Variants in SEMA3A observed in about 807,000 individuals in gnomAD.
The protein encoded by SEMA3A is semaphorin 3A.
Under a neutral mutation model 97.9 loss-of-function variants are expected in SEMA3A, and 29 were observed. The ratio of observed to expected loss-of-function variants is 0.30; its 90% CI spans 0.22 to 0.40. The LOEUF (loss-of-function observed/expected upper bound fraction) is 0.40, where lower values mean the gene tolerates loss of function less well. Ranked by LOEUF, SEMA3A falls within the 10% of genes least tolerant of loss-of-function variation. The pLI, the probability that SEMA3A is intolerant of heterozygous loss-of-function variation, is 1.00. For synonymous variants in SEMA3A, 321 were observed against 323.7 expected (o/e 0.99, Z 0.09); for missense variants, 763 against 951.3 (o/e 0.80, Z 2.60).
intron 3 of SEMA3A, among the ~76,000 whole-genome samples, chr7:84,274,341 C>G (rs1036207239): frequency 5.3e-5 from 8 of 151,860 alleles, no homozygotes; most frequent in Non-Finnish European, 8.8e-5. Context: ...CAGGAAAGGC[C>G]CCTGAAATTC....
intron 3 of SEMA3A, among the ~76,000 whole-genome samples, chr7:84,266,659 G>A (rs567442056): frequency 6.6e-5 from 10 of 152,296 alleles, no homozygotes; most frequent in African/African-American, 2.4e-4. Context: ...GTGCCAACTG[G>A]CACATAAATG....
intron 15 of SEMA3A, among the ~76,000 whole-genome samples, chr7:83,968,484 T>C (rs2116276329): frequency 6.6e-6 from 1 of 152,294 alleles, no homozygotes; most frequent in African/African-American, 2.4e-5. Flanking sequence ...ATTGAGATTC[T>C]CGTGAACAAC....
At chr7:84,089,586 T>C (rs1794499431) in intron 4 of SEMA3A, among the ~76,000 whole-genome samples, 1 of 152,110 alleles carries the variant, frequency 6.6e-6, no homozygotes, top group East Asian at 1.9e-4. Context: ...TATGCTATAA[T>C]TGCAAATTGT....
chr7:84,273,556 C>G (rs893817446), intron 3 of SEMA3A, among the ~76,000 whole-genome samples: 1 of 152,060 alleles, frequency 6.6e-6, no homozygotes, highest in Non-Finnish European at 1.5e-5. Flanking sequence ...TTCCCCAAAG[C>G]ATATTAGAAA....
At chr7:84,094,403 A>G (rs1367172841) in intron 4 of SEMA3A, among the ~76,000 whole-genome samples, 2 of 151,360 alleles carry the variant, frequency 1.3e-5, no homozygotes, top group Non-Finnish European at 2.9e-5. Context: ...AAGTACGTAT[A>G]TTTTCAATAG....
intron 1 of SEMA3A, among the ~76,000 whole-genome samples, chr7:84,136,263 C>A (rs186408214): frequency 4.6e-4 from 70 of 152,300 alleles, no homozygotes; most frequent in African/African-American, 1.6e-3. Context: ...CAGCTATTAA[C>A]ATCAGGAAAC....
At chr7:84,334,610 CCT>C in intron 2 of SEMA3A, among the ~76,000 whole-genome samples, 1 of 151,982 alleles carries the variant, frequency 6.6e-6, no homozygotes, top group African/African-American at 2.4e-5. Flanking sequence ...CTTCTCACCA[CCT>C]CTGTCTTACT....
chr7:84,480,439 C>T (rs867029000), intron 1 of SEMA3A, among the ~76,000 whole-genome samples: 5 of 152,258 alleles, frequency 3.3e-5, no homozygotes, highest in African/African-American at 1.2e-4. Context: ...CTTCCATTAG[C>T]TAATTTCAAA....
intron 1 of SEMA3A, among the ~76,000 whole-genome samples, chr7:84,422,804 T>C (rs1242350988): frequency 6.6e-6 from 1 of 152,092 alleles, no homozygotes; most frequent in Admixed American, 6.6e-5. Flanking sequence ...GGTTGTTCAG[T>C]TTCCATGAAT....
chr7:84,385,693 T>A lies in SEMA3A; in HGVS notation c.-245-13793A>T, dbSNP rs560280061. On this transcript the variant is annotated intron_variant, in intron 1 of 3. Transcript: ENST00000424555. ...ATCTGATCTTTGCTCTGAGTTGTTA[T>A]ACCAAATTATTGAGTACCATGTCCG... 5.3e-5 allele frequency among the ~76,000 whole-genome samples: 8 copies of A among 152,376 alleles called. 1 individual carries two copies. In the South Asian group the frequency reaches 6.2e-4, roughly 12 times the overall value.
chr7:84,066,222 A>C (rs201211088), intron 4 of SEMA3A, among the ~76,000 whole-genome samples: 59 of 151,946 alleles, frequency 3.9e-4, no homozygotes, highest in Admixed American at 2.0e-3. Flanking sequence ...ATTCAACAAC[A>C]CTTCATGCTA....
intron 2 of SEMA3A, among the ~76,000 whole-genome samples, chr7:84,359,867 G>A (rs1257908360): frequency 2.6e-5 from 4 of 151,976 alleles, no homozygotes; most frequent in Admixed American, 2.6e-4. Flanking sequence ...TTAGTCTTGG[G>A]AGGGTGTATG....
chr7:84,129,172 A>G lies in SEMA3A; in HGVS notation c.284T>C (p.Val95Ala), dbSNP rs1584007981. Reference protein sequence around the residue: ...IKDFQKIVWPVSYTRRDECKW... With the variant: ...IKDFQKIVWPASYTRRDECKW... ...GCATTCATCTCTTCTGGTGTAAGAT[A>G]CTGGCCACACAATCTAAGGACAGAG... The change falls in exon 3 of 17, where the codon GTA becomes GCA. Residue 95 changes from valine to alanine, a missense_variant. By Grantham distance (64) the Val-to-Ala change is moderately conservative (BLOSUM62 0). This residue lies in a region of SEMA3A where 678 missense variants were observed against 881.3 expected (regional missense o/e 0.77). Coordinates refer to ENST00000265362, the MANE Select transcript of SEMA3A (RefSeq NM_006080.3). 26 of 1,612,956 alleles carry G rather than the reference A, an allele frequency of 1.6e-5. No individual in the cohort carries two copies. The highest frequency in any genetic ancestry group is 2.2e-5 in the Non-Finnish European group (26 of 1,179,004).
chr7:84,145,768 C>A (rs1299828943), intron 1 of SEMA3A, among the ~76,000 whole-genome samples: 1 of 151,972 alleles, frequency 6.6e-6, no homozygotes, highest in Non-Finnish European at 1.5e-5. Context: ...TATTTAATTT[C>A]TCTCAATTTT....
At chr7:84,133,315 G>A (rs1351660097) in intron 2 of SEMA3A, among the ~76,000 whole-genome samples, 1 of 152,066 alleles carries the variant, frequency 6.6e-6, no homozygotes, top group Non-Finnish European at 1.5e-5. Context: ...GATTTTTAGT[G>A]TTCAGGTAAT....
At chr7:84,475,547 A>T (rs1218903491) in intron 1 of SEMA3A, among the ~76,000 whole-genome samples, 3 of 152,236 alleles carry the variant, frequency 2.0e-5, no homozygotes, top group Non-Finnish European at 2.9e-5. Flanking sequence ...TAAAAATATG[A>T]TCACAAAATG....
At chr7:84,345,977 T>G (rs1366928511) in intron 2 of SEMA3A, among the ~76,000 whole-genome samples, 2 of 152,252 alleles carry the variant, frequency 1.3e-5, no homozygotes, top group Non-Finnish European at 2.9e-5. Context: ...TTTTTTCATC[T>G]GCATTGAAAA....
At chr7:84,440,911 C>A (rs1381296679) in intron 1 of SEMA3A, among the ~76,000 whole-genome samples, 2 of 152,136 alleles carry the variant, frequency 1.3e-5, no homozygotes, top group South Asian at 2.1e-4. Flanking sequence ...GTAATCTCAG[C>A]ACTTTGGGAG....
chr7:84,252,042 T>G (rs1377316100), intron 3 of SEMA3A, among the ~76,000 whole-genome samples: 1 of 152,166 alleles, frequency 6.6e-6, no homozygotes, highest in Admixed American at 6.6e-5. Flanking sequence ...AAAGTAATTC[T>G]ACCTGAGGTC....
Sources: gnomAD v4.1 joint callset for allele counts (sites outside exome capture counted in the v4.1 genomes callset) on GRCh38, gnomAD v4.1.1 for gene constraint, gnomAD v4.1.1 regional missense constraint, MANE v1.5 for transcripts, NCBI Gene and HGNC (gene_info 2026-07-23, HGNC 2026-07-21) for gene names.